ALPK2: variants seen among roughly 807,000 people sequenced by gnomAD.
ALPK2 encodes alpha-protein kinase 2.
ALPK2 carries 127 observed loss-of-function variants against 163.1 expected under a neutral mutation model. The ratio of observed to expected loss-of-function variants is 0.78; its 90% CI spans 0.67 to 0.90. The LOEUF is 0.90. ALPK2 is among the 40% of genes least tolerant of loss of function. ALPK2 has a pLI of 0.00. For missense variants in ALPK2, 2,360 were observed against 2,589.6 expected (o/e 0.91, Z 1.92); for synonymous variants, 953 against 959.1 (o/e 0.99, Z 0.12).
intron 4 of ALPK2, chr18:58,557,032 G>A (rs1369383605): frequency 6.6e-6 from 1 of 152,400 alleles, no homozygotes; most frequent in Admixed American, 6.5e-5. Flanking sequence ...GGTAACCTGA[G>A]AGATGGCCTG....
At chr18:58,587,656 C>T (rs1055716920) in intron 3 of ALPK2, among the ~76,000 whole-genome samples, 3 of 152,152 alleles carry the variant, frequency 2.0e-5, no homozygotes, top group African/African-American at 4.8e-5. Context: ...GAATAAGAAT[C>T]AGTGAACTTG....
At chr18:58,528,079 G>C (rs1472710993) in intron 6 of ALPK2, among the ~76,000 whole-genome samples, 1 of 152,204 alleles carries the variant, frequency 6.6e-6, no homozygotes, top group Non-Finnish European at 1.5e-5. Context: ...TCTAGATTGT[G>C]TCAGATGAAG....
At chr18:58,569,077 A>G (rs915293911) in intron 4 of ALPK2, among the ~76,000 whole-genome samples, 5 of 152,194 alleles carry the variant, frequency 3.3e-5, no homozygotes, top group Non-Finnish European at 7.3e-5. Flanking sequence ...AGCCAGGTGT[A>G]GTGGCATGTG....
chr18:58,607,669 TG>T (rs2052105766), intron 2 of ALPK2, among the ~76,000 whole-genome samples: 2 of 152,114 alleles, frequency 1.3e-5, no homozygotes, highest in Admixed American at 1.3e-4. Context: ...TGCTGATGGG[TG>T]GCATACAAAA....
chr18:58,617,824 GCTCT>G (rs1348174510), intron 1 of ALPK2, among the ~76,000 whole-genome samples: 3 of 152,124 alleles, frequency 2.0e-5, no homozygotes, highest in Non-Finnish European at 4.4e-5. Context: ...AATCCGTAAG[GCTCT>G]CTATCAGCTT....
intron 4 of ALPK2, among the ~76,000 whole-genome samples, chr18:58,564,840 AAAAAT>A (rs1158217459): frequency 1.3e-5 from 2 of 152,198 alleles, no homozygotes; most frequent in South Asian, 2.1e-4. Context: ...CTTTTTTAAA[AAAAAT>A]TTTTTTAAAA....
chr18:58,523,800 A>C lies in ALPK2; in HGVS notation c.5665+6T>G. ...TCCTCTGGCAGGTCAACCCTAACTG[A>C]CTTACCTTTAGTATCCTGGCGACTT... On this transcript the variant is annotated splice_donor_region_variant and intron_variant, in intron 8 of 12. Transcript: ENST00000361673. 6.2e-7 allele frequency: 1 copy of C among 1,614,086 alleles called. No individual in the cohort carries two copies. Among genetic ancestry groups the C allele is most frequent in the Non-Finnish European group, 8.5e-7 (1 of 1,179,990 alleles).
chr18:58,611,731 C>A lies in ALPK2; in HGVS notation c.67G>T (p.Val23Phe). 1 of 1,613,078 alleles carries A rather than the reference C, an allele frequency of 6.2e-7. No homozygotes were observed. Among genetic ancestry groups the A allele is most frequent in the Non-Finnish European group, 8.5e-7 (1 of 1,179,586 alleles). ...AGCACAGCGTCTGACTTCTCAGGAA[C>A]CTTCTGGGAAAGCAATGTAGATAAA... ...CFLSTLLSQK[V>F]PEKSDAVLRC... The change falls in exon 2 of 13, where the codon GTT becomes TTT. Residue 23 changes from valine to phenylalanine, a missense_variant. Physicochemically the swap from Val to Phe is conservative, Grantham distance 50. Coordinates refer to ENST00000361673, the MANE Select transcript of ALPK2 (RefSeq NM_052947.4).
chr18:58,491,093 A>G (rs571501089), intron 12 of ALPK2, among the ~76,000 whole-genome samples: 4 of 152,348 alleles, frequency 2.6e-5, no homozygotes, highest in East Asian at 1.9e-4. Flanking sequence ...TGCTGGTTTT[A>G]TCTGCAAATG....
rs1182489467 is a variant in ALPK2 at position 58,578,993 on chromosome 18, A to G, written c.1783T>C (p.Ser595Pro). The change falls in exon 4 of 13, where the codon TCC becomes CCC. Residue 595 changes from serine (S) to proline (P), a missense_variant. Ser to Pro is a moderately conservative substitution (Grantham distance 74, BLOSUM62 -1). Transcript: ENST00000361673. The stretch of plus-strand genomic sequence containing the variant: ...GCACATTCTCTTGCATCAGCATGGG[A>G]ACTCCGACCAGTCGCTGCTGCTGTG... ...HTTAAATGRS[S>P]HADARECAIS... 3.1e-6 allele frequency: 5 copies of G among 1,613,988 alleles called. No individual in the cohort carries two copies. In the African/African-American group the frequency reaches 6.7e-5, roughly 22 times the overall value.
chr18:58,615,967 G>A (rs1269063658), intron 1 of ALPK2, among the ~76,000 whole-genome samples: 4 of 152,344 alleles, frequency 2.6e-5, no homozygotes, highest in African/African-American at 9.6e-5. Flanking sequence ...CTCTGGAGAG[G>A]AAAAGGACAG....
intron 4 of ALPK2, among the ~76,000 whole-genome samples, chr18:58,560,256 C>A (rs2051819067): frequency 6.6e-6 from 1 of 152,234 alleles, no homozygotes; most frequent in South Asian, 2.1e-4. Flanking sequence ...CCTTTGCCTG[C>A]TGCCATCCAT....
At chr18:58,623,354 T>A (rs1200696954) in intron 1 of ALPK2, among the ~76,000 whole-genome samples, 1 of 151,686 alleles carries the variant, frequency 6.6e-6, no homozygotes, top group African/African-American at 2.4e-5. Context: ...AGATTTTTAA[T>A]GGTTCTTTAT....
At chr18:58,506,470 C>T (rs2051462589) in intron 10 of ALPK2, among the ~76,000 whole-genome samples, 1 of 152,074 alleles carries the variant, frequency 6.6e-6, no homozygotes, top group Non-Finnish European at 1.5e-5. Context: ...TTTGCCCCCA[C>T]CCCCCACATC....
chr18:58,531,745 C>A (rs2051615963), intron 5 of ALPK2, among the ~76,000 whole-genome samples: 1 of 150,548 alleles, frequency 6.6e-6, no homozygotes, highest in South Asian at 2.1e-4. Flanking sequence ...CTAGACCATC[C>A]TGGCCAACAT....
In ALPK2 at chr18:58,535,169, C is replaced by T. The variant is rs755184268; in HGVS notation, c.5018G>A (p.Cys1673Tyr). 6.2e-7 allele frequency: 1 copy of T among 1,614,068 alleles called. No homozygotes were observed. Among genetic ancestry groups the T allele is most frequent in the Non-Finnish European group, 8.5e-7 (1 of 1,180,006 alleles). ...CGCACAGCCCAGGGTGCCCTTTTGA[C>T]ATGGATCCTGCAGTAATTTAGGGGC... ...EKAPKLLQDP[C>Y]QKGTLGCAKK... The change falls in exon 5 of 13, where the codon TGT becomes TAT. Residue 1673 changes from cysteine to tyrosine, a missense_variant. Coordinates refer to ENST00000361673, the MANE Select transcript of ALPK2 (RefSeq NM_052947.4).
chr18:58,525,076 T>C (rs2051577493), intron 6 of ALPK2, among the ~76,000 whole-genome samples: 1 of 152,224 alleles, frequency 6.6e-6, no homozygotes, highest in Non-Finnish European at 1.5e-5. Context: ...GTGTACATTT[T>C]AGCTTGGGTT....
intron 3 of ALPK2, among the ~76,000 whole-genome samples, chr18:58,602,237 C>T (rs938560630): frequency 6.6e-6 from 1 of 152,178 alleles, no homozygotes; most frequent in Admixed American, 6.5e-5. Flanking sequence ...CTCAGATAAA[C>T]CTGGCCAGTG....
chr18:58,537,218 G>A lies in ALPK2; in HGVS notation c.2969C>T (p.Thr990Ile). The change falls in exon 5 of 13, where the codon ACA (threonine) becomes ATA (isoleucine). Residue 990 changes from threonine (T) to isoleucine (I), a missense_variant. Physicochemically the swap from Thr to Ile is moderately conservative, Grantham distance 89 (BLOSUM62 -1). Coordinates refer to ENST00000361673, the MANE Select transcript of ALPK2 (RefSeq NM_052947.4). ...GCACTCATTATTAGCAGTTAATGTT[G>A]TTGGCTTCTCCCAAGGAAAACTCAC... Reference protein sequence around the residue: ...SIVSFPWEKPTTLTANNECFQ... With the variant: ...SIVSFPWEKPITLTANNECFQ... 6.2e-7 allele frequency: 1 copy of A among 1,614,180 alleles called. No individual in the cohort carries two copies. Among genetic ancestry groups the A allele is most frequent in the Non-Finnish European group, 8.5e-7 (1 of 1,180,010 alleles).
Sources: gnomAD v4.1 joint callset for allele counts (sites outside exome capture counted in the v4.1 genomes callset) on GRCh38, gnomAD v4.1.1 for gene constraint, MANE v1.5 for transcripts, NCBI Gene and HGNC (gene_info 2026-07-23, HGNC 2026-07-21) for gene names.